The following CLSTN2 variants were observed in gnomAD, a reference collection of about 807,000 sequenced individuals.
CLSTN2 encodes calsyntenin-2.
A neutral mutation model predicts 101.2 loss-of-function variants in CLSTN2; 48 were observed. The observed-to-expected ratio is 0.47, with a 90% CI of 0.38 to 0.60. The LOEUF (loss-of-function observed/expected upper bound fraction) is 0.60. Among genes scored for constraint, CLSTN2 ranks in the 20% least tolerant of loss-of-function variants. The probability of loss-of-function intolerance (pLI) is 0.00; values close to 1 mark genes in which losing one functional copy is unlikely to be tolerated. For missense variants in CLSTN2, 1,160 were observed against 1,238.2 expected (o/e 0.94, Z 0.95); for synonymous variants, 481 against 463.6 (o/e 1.04, Z -0.48).
intron 1 of CLSTN2, among the ~76,000 whole-genome samples, chr3:140,000,112 G>T (rs2006795442): frequency 6.6e-6 from 1 of 151,528 alleles, no homozygotes; most frequent in African/African-American, 2.4e-5. Context: ...CAGCAGCAGT[G>T]TGGGGCTAGC....
chr3:140,341,274 G>A (rs945182119), intron 2 of CLSTN2, among the ~76,000 whole-genome samples: 2 of 152,050 alleles, frequency 1.3e-5, no homozygotes, highest in African/African-American at 4.8e-5. Context: ...TTTTGTCTTG[G>A]CATGGTTTTC....
chr3:140,511,743 G>C (rs142039086), intron 8 of CLSTN2, among the ~76,000 whole-genome samples: 4,880 of 148,750 alleles, frequency 0.033, 106 homozygotes, highest in Non-Finnish European at 0.05. Context: ...ATTTTTAGTA[G>C]AGATGGGGTT....
intron 2 of CLSTN2, among the ~76,000 whole-genome samples, chr3:140,270,644 G>C (rs2086733592): frequency 6.6e-6 from 1 of 152,190 alleles, no homozygotes; most frequent in African/African-American, 2.4e-5. Flanking sequence ...GGCTGTGGAT[G>C]CTAGGGTGGT....
intron 2 of CLSTN2, among the ~76,000 whole-genome samples, chr3:140,372,833 C>T (rs545189778): frequency 2.4e-4 from 36 of 152,144 alleles, no homozygotes; most frequent in African/African-American, 8.7e-4. Flanking sequence ...AATGTCAGCT[C>T]TTCAGGAGGC....
intron 1 of CLSTN2, among the ~76,000 whole-genome samples, chr3:140,043,880 C>T (rs2007813226): frequency 6.6e-6 from 1 of 152,126 alleles, no homozygotes; most frequent in Non-Finnish European, 1.5e-5. Flanking sequence ...TTCCATTGGT[C>T]TATATCTCTG....
At chr3:140,237,283 C>T (rs6796549) in intron 2 of CLSTN2, among the ~76,000 whole-genome samples, 29 of 152,288 alleles carry the variant, frequency 1.9e-4, no homozygotes, top group African/African-American at 7.0e-4. Context: ...ACGCAATACT[C>T]CATGTGTCGT....
At chr3:140,457,417 G>T (rs960198250) in intron 6 of CLSTN2, among the ~76,000 whole-genome samples, 1 of 152,148 alleles carries the variant, frequency 6.6e-6, no homozygotes, top group African/African-American at 2.4e-5. Flanking sequence ...TTATTCCAGG[G>T]GTACTAGGAA....
intron 2 of CLSTN2, among the ~76,000 whole-genome samples, chr3:140,337,450 A>G (rs1348450810): frequency 6.6e-6 from 1 of 152,162 alleles, no homozygotes; most frequent in Admixed American, 6.5e-5. Flanking sequence ...TTTTAAGGAC[A>G]CCAGTTATAT....
intron 4 of CLSTN2, among the ~76,000 whole-genome samples, chr3:140,409,107 A>G (rs1463677634): frequency 6.6e-6 from 1 of 152,224 alleles, no homozygotes; most frequent in African/African-American, 2.4e-5. Context: ...CCACCACCAC[A>G]TGAGTGCATG....
At chr3:140,088,526 C>G (rs1344904743) in intron 1 of CLSTN2, among the ~76,000 whole-genome samples, 1 of 152,204 alleles carries the variant, frequency 6.6e-6, no homozygotes, top group African/African-American at 2.4e-5. Flanking sequence ...CAAGTCTACA[C>G]TGACATTTAA....
chr3:139,948,468 A>G (rs1260891050), intron 1 of CLSTN2, among the ~76,000 whole-genome samples: 1 of 151,988 alleles, frequency 6.6e-6, no homozygotes, highest in Non-Finnish European at 1.5e-5. Flanking sequence ...ATCTCAAGAA[A>G]AAAAAAAGCA....
intron 1 of CLSTN2, among the ~76,000 whole-genome samples, chr3:140,043,989 G>A (rs1212020324): frequency 1.3e-5 from 2 of 152,142 alleles, no homozygotes; most frequent in Non-Finnish European, 2.9e-5. Context: ...TTTGGGTTAG[G>A]ATTGTCATGG....
At chr3:140,484,860 T>C (rs1386808510) in intron 8 of CLSTN2, among the ~76,000 whole-genome samples, 4 of 152,184 alleles carry the variant, frequency 2.6e-5, no homozygotes, top group Non-Finnish European at 4.4e-5. Flanking sequence ...TAGCCATTCG[T>C]CTTATTTTTT....
At chr3:140,150,103 C>A (rs761047881) in intron 1 of CLSTN2, among the ~76,000 whole-genome samples, 16 of 152,258 alleles carry the variant, frequency 1.1e-4, no homozygotes, top group Non-Finnish European at 2.1e-4. Flanking sequence ...TCTACTCATG[C>A]CCCATATTCA....
At chr3:140,244,009 C>G (rs2086493592) in intron 2 of CLSTN2, among the ~76,000 whole-genome samples, 1 of 152,198 alleles carries the variant, frequency 6.6e-6, no homozygotes, top group Admixed American at 6.5e-5. Context: ...TCCATGGTCC[C>G]TCTCCTGTCA....
intron 1 of CLSTN2, among the ~76,000 whole-genome samples, chr3:140,041,965 T>C (rs1259514077): frequency 6.6e-6 from 1 of 152,148 alleles, no homozygotes; most frequent in Non-Finnish European, 1.5e-5. Flanking sequence ...AGTCTTCGTT[T>C]GTTTATTTTC....
intron 2 of CLSTN2, among the ~76,000 whole-genome samples, chr3:140,273,767 T>C (rs2086766076): frequency 6.6e-6 from 1 of 152,144 alleles, no homozygotes; most frequent in Non-Finnish European, 1.5e-5. Flanking sequence ...TGTCAGAGCA[T>C]TGGGAAAGCC....
chr3:140,572,626 A>C lies in CLSTN2; in HGVS notation c.*6373A>C, dbSNP rs1985592652. 6.6e-6 allele frequency: 1 copy of C among 152,264 alleles called. No individual in the cohort carries two copies. 9.4% of individuals were successfully genotyped at this position (152,264 alleles called of 1,614,324 possible). ...CTGAGGAGCAGTGGTTCCCTGGGCC[A>C]GCTGCATCACCTGGGAACATGTGAG... is the stretch of plus-strand genomic sequence containing the variant. On this transcript the variant is annotated 3_prime_UTR_variant, in exon 17 of 17. Transcript: ENST00000458420.
chr3:140,396,789 C>T (rs1006575606), intron 2 of CLSTN2, among the ~76,000 whole-genome samples: 4 of 152,176 alleles, frequency 2.6e-5, no homozygotes, highest in Non-Finnish European at 1.5e-5. Context: ...CAAACTGAGC[C>T]GCTCTGAGGC....
Sources: gnomAD v4.1 joint callset for allele counts (sites outside exome capture counted in the v4.1 genomes callset) on GRCh38, gnomAD v4.1.1 for gene constraint, MANE v1.5 for transcripts, NCBI Gene and HGNC (gene_info 2026-07-23, HGNC 2026-07-21) for gene names.